Variants in MYPN observed in about 807,000 individuals in gnomAD.
MYPN encodes the protein sarcomeric protein myopalladin, 145 kDa (MYOP).
In MYPN, 63 loss-of-function variants were observed where a neutral mutation model predicts 129.4. That is an observed-to-expected ratio of 0.49 (90% CI 0.40 to 0.60). MYPN has a LOEUF of 0.60. Ranked by LOEUF, MYPN falls within the 20% of genes least tolerant of loss-of-function variation. MYPN has a pLI of 0.00. For synonymous variants in MYPN, 629 were observed against 600.9 expected (o/e 1.05, Z -0.68); for missense variants, 1,596 against 1,635.4 (o/e 0.98, Z 0.42).
intron 1 of MYPN, among the ~76,000 whole-genome samples, chr10:68,114,887 T>G (rs922969528): frequency 1.5e-4 from 23 of 152,280 alleles, no homozygotes; most frequent in Admixed American, 1.2e-3. Context: ...CAAGGGTAAT[T>G]ACTCATTCTT....
chr10:68,203,716 C>CACAG (rs2043760451), intron 18 of MYPN, among the ~76,000 whole-genome samples: 2 of 76,766 alleles, frequency 2.6e-5, no homozygotes. Flanking sequence ...CACACATACA[C>CACAG]ACACAGAGAG....
At chr10:68,154,101 C>T (rs2042826115) in intron 6 of MYPN, among the ~76,000 whole-genome samples, 2 of 152,196 alleles carry the variant, frequency 1.3e-5, no homozygotes, top group Admixed American at 1.3e-4. Context: ...TAGTTCACTA[C>T]TCTACTCATA....
intron 4 of MYPN, among the ~76,000 whole-genome samples, chr10:68,147,301 C>T (rs2042683328): frequency 6.6e-6 from 1 of 152,114 alleles, no homozygotes; most frequent in South Asian, 2.1e-4. Flanking sequence ...ATTACAGGCA[C>T]ACGCCACCAT....
At chr10:68,158,276 A>G in intron 6 of MYPN, 1 of 566,824 alleles carries the variant, frequency 1.8e-6, no homozygotes, top group African/African-American at 1.9e-5. Flanking sequence ...AGGGCATAGG[A>G]GTAGCCACGC....
intron 12 of MYPN, 138 bp from the exon 13 acceptor site, chr10:68,188,767 C>T: frequency 1.3e-6 from 1 of 756,776 alleles, no homozygotes; most frequent in Non-Finnish European, 2.3e-6. Flanking sequence ...GAAACTGGAT[C>T]TGGAACATAC....
chr10:68,115,447 A>T (rs972243229), intron 1 of MYPN, among the ~76,000 whole-genome samples: 1 of 151,952 alleles, frequency 6.6e-6, no homozygotes, highest in Non-Finnish European at 1.5e-5. Flanking sequence ...TTCACATCCC[A>T]CTTTTAATCC....
chr10:68,115,330 G>A (rs527516031), intron 1 of MYPN, among the ~76,000 whole-genome samples: 3 of 150,576 alleles, frequency 2.0e-5, no homozygotes, highest in South Asian at 2.1e-4. Context: ...GAGAACTTAC[G>A]ATTTTCTTTC....
At chr10:68,149,267 A>G (rs570658640) in intron 5 of MYPN, among the ~76,000 whole-genome samples, 2 of 152,124 alleles carry the variant, frequency 1.3e-5, no homozygotes, top group African/African-American at 2.4e-5. Flanking sequence ...CTTAGTCAAG[A>G]TTCTACTCCA....
intron 2 of MYPN, chr10:68,136,842 A>G (rs956049604): frequency 8.4e-7 from 1 of 1,193,868 alleles, no homozygotes; most frequent in African/African-American, 1.5e-5. Context: ...AAGTTAATAG[A>G]GTTACATTGC....
intron 1 of MYPN, among the ~76,000 whole-genome samples, chr10:68,121,077 G>C (rs759453474): frequency 6.6e-6 from 1 of 152,160 alleles, no homozygotes; most frequent in African/African-American, 2.4e-5. Context: ...CCAGGAGCTC[G>C]AGACCAGCCT....
At position 68,211,266 on chromosome 10, in the gene MYPN, A is replaced by G; in HGVS notation, c.*811A>G. The G allele has an allele frequency of 2.2e-6, 1 of 453,928 alleles. No individual in the cohort carries two copies. The highest frequency in any genetic ancestry group is 1.6e-5 in the South Asian group (1 of 64,472). 28.1% of individuals were successfully genotyped at this position (453,928 alleles called of 1,614,324 possible). ...AATCCTCTGTGGGGTCACTTTAAAAACTACTAGCTTCAACTACCACTTACA... is the reference window on the plus strand; with the variant it reads ...AATCCTCTGTGGGGTCACTTTAAAAGCTACTAGCTTCAACTACCACTTACA... On this transcript the variant is annotated 3_prime_UTR_variant, in exon 20 of 20. Transcript: ENST00000358913.
intron 4 of MYPN, among the ~76,000 whole-genome samples, chr10:68,147,829 T>C (rs1301730793): frequency 6.6e-6 from 1 of 152,210 alleles, no homozygotes; most frequent in Non-Finnish European, 1.5e-5. Context: ...GCCCTTCAAA[T>C]ACTCTCTTTA....
At chr10:68,198,149 C>T (rs1337700544) in intron 16 of MYPN, among the ~76,000 whole-genome samples, 2 of 152,178 alleles carry the variant, frequency 1.3e-5, no homozygotes, top group African/African-American at 4.8e-5. Flanking sequence ...TTCTAGAATG[C>T]TATGGAAGAT....
intron 1 of MYPN, among the ~76,000 whole-genome samples, chr10:68,097,242 C>T (rs1264468882): frequency 6.6e-6 from 1 of 152,168 alleles, no homozygotes; most frequent in Admixed American, 6.5e-5. Context: ...TCTAATGGAG[C>T]ACCCCATGTT....
chr10:68,106,546 T>C (rs1434091893), upstream of MYPN: 1 of 670,128 alleles, frequency 1.5e-6, no homozygotes, highest in Admixed American at 2.2e-5. Flanking sequence ...ATAGAGGTTT[T>C]GTTTAGTTTT....
At chr10:68,133,496 G>C (rs544331867) in intron 2 of MYPN, among the ~76,000 whole-genome samples, 1 of 152,144 alleles carries the variant, frequency 6.6e-6, no homozygotes, top group Non-Finnish European at 1.5e-5. Flanking sequence ...AGCCATGTAG[G>C]TGAAGAACCC....
chr10:68,139,013 C>T (rs763042513), intron 2 of MYPN, among the ~76,000 whole-genome samples: 1 of 152,124 alleles, frequency 6.6e-6, no homozygotes, highest in Non-Finnish European at 1.5e-5. Flanking sequence ...ATATTCTCTT[C>T]CATGCAGTCT....
intron 1 of MYPN, among the ~76,000 whole-genome samples, chr10:68,088,655 A>ATT (rs2041917551): frequency 6.6e-6 from 1 of 152,196 alleles, no homozygotes; most frequent in African/African-American, 2.4e-5. Context: ...TAATGGTAAA[A>ATT]ACCTTCCAGT....
intron 10 of MYPN, among the ~76,000 whole-genome samples, chr10:68,171,146 C>CAAAAA (rs10656004): frequency 0.38 from 49,941 of 131,520 alleles, 10,914 homozygotes; most frequent in Non-Finnish European, 0.5. Context: ...AAGACTCTGT[C>CAAAAA]AAAAAAAAAA....
Sources: gnomAD v4.1 joint callset for allele counts (sites outside exome capture counted in the v4.1 genomes callset) on GRCh38, gnomAD v4.1.1 for gene constraint, MANE v1.5 for transcripts, NCBI Gene and HGNC (gene_info 2026-07-23, HGNC 2026-07-21) for gene names.